The following HSPA4 variants were observed in gnomAD, a reference collection of about 807,000 sequenced individuals.
HSPA4 encodes the protein heat shock 70 kDa protein 4.
Under a neutral mutation model 106.2 loss-of-function variants are expected in HSPA4, and 25 were observed. The ratio of observed to expected loss-of-function variants is 0.24; its 90% confidence interval spans 0.17 to 0.33. The LOEUF (loss-of-function observed/expected upper bound fraction) is 0.33, where lower values mean the gene tolerates loss of function less well. Among genes scored for constraint, HSPA4 ranks in the 10% least tolerant of loss-of-function variants. HSPA4 has a pLI of 1.00. For missense variants in HSPA4, 841 were observed against 996.0 expected (o/e 0.84, Z 2.10); for synonymous variants, 332 against 333.6 (o/e 1.00, Z 0.05).
Position 133,076,794 on chromosome 5 carries a change from G to A in HSPA4, c.804G>A (p.Gln268=). 1.2e-6 allele frequency: 2 copies of A among 1,613,842 alleles called. No homozygotes were observed. The highest frequency in any genetic ancestry group is 2.2e-5 in the South Asian group (2 of 91,070). The change falls in exon 7 of 19, where the codon CAG becomes CAA. Residue 268 remains glutamine, a synonymous_variant. Coordinates refer to ENST00000304858, the MANE Select transcript of HSPA4 (RefSeq NM_002154.4). ...SKIRALLRLS[Q]ECEKLKKLMS... ...TCCGTGCATTATTACGACTCTCTCA[G>A]GAGTGTGAGAAACTCAAGAAATTGA...
At position 133,103,802 on chromosome 5, in the gene HSPA4, A is replaced by G. The variant is rs901373467; in HGVS notation, c.2158-63A>G. On this transcript the variant is annotated intron_variant, in intron 17 of 18. Coordinates refer to ENST00000304858, the MANE Select transcript of HSPA4 (RefSeq NM_002154.4). ...TTTTGAAAAATGGCAGAAACTAGAC[A>G]GTAGTTGCGGGGAGGGAGGGTATCA... The G allele has an allele frequency of 2.0e-5, 26 of 1,326,954 alleles. No individual in the cohort carries two copies. In the South Asian group the frequency reaches 2.1e-4, roughly 11 times the overall value. The allele number at this position is 1,326,954 out of a possible 1,614,324, so 82.2% of individuals were successfully genotyped here. A position where few individuals can be genotyped will look rare whatever the true frequency, so the allele number is the denominator to read the frequency against.
At chr5:133,061,125 CTT>C (rs576430090) in intron 1 of HSPA4, among the ~76,000 whole-genome samples, 17 of 135,752 alleles carry the variant, frequency 1.3e-4, no homozygotes, top group South Asian at 7.0e-4. Context: ...GTTTTCTTTT[CTT>C]TTTTTTTTTT....
chr5:133,086,998 A>T (rs143128287), intron 8 of HSPA4, 140 bp downstream of exon 8: 58 of 586,004 alleles, frequency 9.9e-5, no homozygotes, highest in African/African-American at 9.7e-4. Context: ...CTTTTTTTCA[A>T]CCTGTATCTT....
chr5:133,102,969 ACTT>A (rs1471331258), intron 17 of HSPA4, among the ~76,000 whole-genome samples: 2 of 135,818 alleles, frequency 1.5e-5, no homozygotes, highest in African/African-American at 5.9e-5. Flanking sequence ...CTGGTCTTGA[ACTT>A]CTTAGCTCAA....
At chr5:133,083,144 CA>C (rs1234574679) in intron 7 of HSPA4, among the ~76,000 whole-genome samples, 510 of 70,670 alleles carry the variant, frequency 7.2e-3, no homozygotes, top group Admixed American at 6.5e-3. Context: ...CAAAAAAATA[CA>C]AAAAAAAAAA....
At position 133,070,393 on chromosome 5, in the gene HSPA4, A is replaced by C. The variant is rs1195643651; in HGVS notation, c.326A>C (p.Glu109Ala). The change falls in exon 4 of 19, where the codon GAG (glutamate) becomes GCG (alanine). Residue 109 changes from glutamate (E) to alanine (A), a missense_variant. Glu to Ala is a moderately radical substitution (Grantham distance 107). Around this residue, in one of 5 missense-constraint regions of HSPA4, gnomAD observed 347 missense variants for 408.7 expected, o/e 0.85. Transcript: ENST00000304858. The part of the protein sequence containing the change: ...TGIKVTYMEE[E>A]RNFTTEQVTA... ...TTGCAGGTGACATATATGGAGGAAG[A>C]GCGAAATTTTACCACTGAGCAAGTG... 1 of 1,610,916 alleles carries C rather than the reference A, an allele frequency of 6.2e-7. No individual in the cohort carries two copies. Among genetic ancestry groups the C allele is most frequent in the Admixed American group, 1.7e-5 (1 of 58,908 alleles).
intron 15 of HSPA4, among the ~76,000 whole-genome samples, chr5:133,098,810 C>CT (rs1385047855): frequency 1.3e-5 from 2 of 151,692 alleles, no homozygotes; most frequent in Non-Finnish European, 1.5e-5. Flanking sequence ...GTAGCTGGGA[C>CT]TACAGGCATG....
At chr5:133,099,476 C>T in intron 15 of HSPA4, 69 bp from the exon 16 acceptor site, 1 of 760,048 alleles carries the variant, frequency 1.3e-6, no homozygotes, top group Admixed American at 2.0e-5. Flanking sequence ...TCATTATATT[C>T]TATGCCTCTG....
At chr5:133,066,791 C>T (rs1312385159) in intron 2 of HSPA4, among the ~76,000 whole-genome samples, 3 of 147,416 alleles carry the variant, frequency 2.0e-5, no homozygotes, top group African/African-American at 7.6e-5. Context: ...GCCCTGTCAG[C>T]GCAACCTCCA....
chr5:133,102,896 C>T (rs1003892348), intron 17 of HSPA4, among the ~76,000 whole-genome samples: 7 of 129,414 alleles, frequency 5.4e-5, no homozygotes, highest in Non-Finnish European at 9.8e-5. Context: ...CGTACCACCA[C>T]ACCCAACTAG....
At chr5:133,075,283 C>T (rs1204490858) in intron 6 of HSPA4, among the ~76,000 whole-genome samples, 1 of 152,086 alleles carries the variant, frequency 6.6e-6, no homozygotes, top group African/African-American at 2.4e-5. Context: ...TTTCTAAGAT[C>T]TATGCTATGC....
rs1581485586 is a variant in HSPA4 at position 133,106,163 on chromosome 5, G to GT, written c.*1727_*1728insT. On this transcript the variant is annotated 3_prime_UTR_variant, in exon 19 of 19. Transcript: ENST00000304858. ...TTTGGTGTGTGTGTGTGTGTGTGTG[G>GT]GGAAGGGTGTGGGTGCTGGGATGGG... 8.3e-6 allele frequency: 1 copy of GT among 119,920 alleles called. No homozygotes were observed. Among genetic ancestry groups the GT allele is most frequent in the Non-Finnish European group, 1.7e-5 (1 of 58,940 alleles). 7.4% of individuals were successfully genotyped at this position (119,920 alleles called of 1,614,324 possible).
intron 7 of HSPA4, among the ~76,000 whole-genome samples, chr5:133,084,294 C>T (rs1021464516): frequency 2.0e-5 from 3 of 152,156 alleles, no homozygotes; most frequent in South Asian, 2.1e-4. Context: ...TTGCTAACTA[C>T]TGTGCCATTG....
Position 133,052,218 on chromosome 5 carries a change from A to ACCCGGG in HSPA4, c.-28_-23dup, listed in dbSNP as rs780538414. 4.1e-6 allele frequency: 6 copies of ACCCGGG among 1,470,792 alleles called. No homozygotes were observed. Among genetic ancestry groups the ACCCGGG allele is most frequent in the South Asian group, 3.6e-5 (3 of 83,754 alleles). The allele number at this position is 1,470,792 out of a possible 1,614,324, so 91.1% of individuals were successfully genotyped here. Reference sequence around the variant, plus strand: ...GTCCGTGTCCTGTCTCGGTGGCCGGACCCGGGCCCGAGCCCGAGCAGTAGC... The same window carrying ACCCGGG: ...GTCCGTGTCCTGTCTCGGTGGCCGGACCCGGGCCCGGGCCCGAGCCCGAGCAGTAGC... On this transcript the variant is annotated 5_prime_UTR_variant, in exon 1 of 19. Coordinates refer to ENST00000304858, the MANE Select transcript of HSPA4 (RefSeq NM_002154.4).
chr5:133,066,834 C>T (rs1410120829), intron 2 of HSPA4, among the ~76,000 whole-genome samples: 1 of 151,462 alleles, frequency 6.6e-6, no homozygotes, highest in Non-Finnish European at 1.5e-5. Flanking sequence ...CATGCCTCAG[C>T]CTCCTGAGTA....
intron 5 of HSPA4, 87 bp from the exon 6 acceptor site, chr5:133,073,906 G>A (rs1040782190): frequency 2.4e-6 from 2 of 837,280 alleles, no homozygotes; most frequent in African/African-American, 3.5e-5. Context: ...AGTTGCATTC[G>A]TTATATATAA....
intron 1 of HSPA4, among the ~76,000 whole-genome samples, chr5:133,060,285 T>C (rs1765223291): frequency 6.6e-6 from 1 of 152,156 alleles, no homozygotes; most frequent in Non-Finnish European, 1.5e-5. Context: ...CAAGTTAATC[T>C]TTTTGAGTAT....
chr5:133,099,616 A>G lies in HSPA4; in HGVS notation c.2001A>G (p.Pro667=). 1 of 1,604,346 alleles carries G rather than the reference A, an allele frequency of 6.2e-7. No homozygotes were observed. Among genetic ancestry groups the G allele is most frequent in the Non-Finnish European group, 8.5e-7 (1 of 1,172,314 alleles). The change falls in exon 16 of 19, where the codon CCA becomes CCG. Residue 667 remains proline (P), a synonymous_variant. Coordinates refer to ENST00000304858, the MANE Select transcript of HSPA4 (RefSeq NM_002154.4). ...TGTATGAGGATGGAGAAGACCAGCC[A>G]AAGCAAGTTTATGTTGATAAGTTGG... ...NWLYEDGEDQ[P]KQVYVDKLAE...
At chr5:133,091,139 G>A in intron 11 of HSPA4, 54 bp from the exon 12 acceptor site, 2 of 1,395,618 alleles carry the variant, frequency 1.4e-6, no homozygotes, top group Non-Finnish European at 1.0e-6. Context: ...ATATATTCAT[G>A]CTTGAATTCA....
Sources: allele counts gnomAD v4.1 joint callset (sites outside exome capture counted in the v4.1 genomes callset), GRCh38; gene constraint gnomAD v4.1.1; regional missense constraint gnomAD v4.1.1; transcripts MANE v1.5; gene names NCBI Gene and HGNC (gene_info 2026-07-23, HGNC 2026-07-21).